The following CPED1 variants were observed in gnomAD, a reference collection of about 807,000 sequenced individuals.
The protein encoded by CPED1 is cadherin like and PC-esterase domain containing 1.
A neutral mutation model predicts 128.2 loss-of-function variants in CPED1; 114 were observed. The ratio of observed to expected loss-of-function variants is 0.89; its 90% confidence interval spans 0.76 to 1.04. The LOEUF is 1.04. Ranked by LOEUF, CPED1 falls within the 50% of genes least tolerant of loss-of-function variation. The pLI is 0.00. For missense variants in CPED1, 1,211 were observed against 1,207.1 expected (o/e 1.00, Z -0.05); for synonymous variants, 462 against 426.7 (o/e 1.08, Z -1.02).
intron 7 of CPED1, among the ~76,000 whole-genome samples, chr7:121,105,576 C>T (rs1253232519): frequency 6.6e-6 from 1 of 152,072 alleles, no homozygotes; most frequent in Non-Finnish European, 1.5e-5. Flanking sequence ...ATTACTTAAC[C>T]TACTTTTGCT....
intron 5 of CPED1, among the ~76,000 whole-genome samples, chr7:121,075,449 A>G (rs1272248041): frequency 6.6e-6 from 1 of 152,034 alleles, no homozygotes; most frequent in Non-Finnish European, 1.5e-5. Context: ...CATGGTCTCA[A>G]TATGTTCATG....
At chr7:120,995,619 C>A (rs1796383986) in intron 2 of CPED1, among the ~76,000 whole-genome samples, 1 of 152,170 alleles carries the variant, frequency 6.6e-6, no homozygotes, top group African/African-American at 2.4e-5. Context: ...ATTTATTTCA[C>A]AAACCTCATG....
At chr7:121,139,083 A>G (rs1277943129) in intron 14 of CPED1, among the ~76,000 whole-genome samples, 1 of 151,922 alleles carries the variant, frequency 6.6e-6, no homozygotes, top group African/African-American at 2.4e-5. Context: ...TTTCTTTTTT[A>G]TTATAAGAAA....
intron 16 of CPED1, among the ~76,000 whole-genome samples, chr7:121,235,904 C>T (rs1191235110): frequency 2.0e-5 from 3 of 152,094 alleles, no homozygotes; most frequent in Non-Finnish European, 4.4e-5. Context: ...AGGGGGAAAG[C>T]AATCCCAATC....
chr7:121,008,460 G>A lies in CPED1; in HGVS notation c.250-7205G>A, dbSNP rs541872068. Among the ~76,000 whole-genome samples the A allele has an allele frequency of 3.3e-5, 5 of 152,138 alleles. 1 individual carries two copies. In the South Asian group the frequency reaches 1.0e-3, roughly 32 times the overall value. ...CAAGGTCAACAGCAAGGACCTTCAA[G>A]AGAAAAAAGACAATTCTTCAAGGCA... On this transcript the variant is annotated intron_variant, in intron 2 of 22. Coordinates refer to ENST00000310396, the MANE Select transcript of CPED1 (RefSeq NM_024913.5).
rs181127676 is a variant in CPED1 at position 121,021,480 on chromosome 7, G to A, written c.433+5632G>A. On this transcript the variant is annotated intron_variant, in intron 3 of 22. Transcript: ENST00000310396. ...CAGATCAATCTTAACCTTTGTAATG[G>A]AAAACATATTTCACATTTTTCTTTT... Among the ~76,000 whole-genome samples, 676 of 151,992 alleles carry A rather than the reference G, an allele frequency of 4.4e-3. 5 individuals are homozygous for A. Among genetic ancestry groups the A allele is most frequent in the African/African-American group, 0.015 (636 of 41,520 alleles).
At chr7:121,211,411 T>C (rs940904422) in intron 16 of CPED1, among the ~76,000 whole-genome samples, 3 of 152,066 alleles carry the variant, frequency 2.0e-5, no homozygotes, top group Admixed American at 6.6e-5. Context: ...TAAAACACAG[T>C]TGGCCTTTTA....
In CPED1 at chr7:121,109,682, C is replaced by T. The variant is rs548158786; in HGVS notation, c.918+9588C>T. Among the ~76,000 whole-genome samples the T allele has an allele frequency of 3.9e-5, 6 of 152,220 alleles. 1 individual carries two copies. Among genetic ancestry groups the T allele is most frequent in the African/African-American group, 1.4e-4 (6 of 41,542 alleles). On this transcript the variant is annotated intron_variant, in intron 7 of 22. Coordinates refer to ENST00000310396, the MANE Select transcript of CPED1 (RefSeq NM_024913.5). ...TTCTAGTAGAATAACTTCTGAATAA[C>T]TTCTACTAGAAATTTTTTCAGATAT... is the stretch of plus-strand genomic sequence containing the variant.
At chr7:121,279,582 C>T (rs1443510917) in intron 22 of CPED1, among the ~76,000 whole-genome samples, 10 of 151,978 alleles carry the variant, frequency 6.6e-5, no homozygotes, top group Admixed American at 6.6e-4. Flanking sequence ...AAGAGAAATA[C>T]TAGCTGTGAG....
At chr7:121,148,541 G>A (rs1167582340) in intron 16 of CPED1, among the ~76,000 whole-genome samples, 1 of 152,130 alleles carries the variant, frequency 6.6e-6, no homozygotes, top group Non-Finnish European at 1.5e-5. Flanking sequence ...AGTAAAGGTG[G>A]GGTTTGAATA....
At chr7:121,225,993 G>T (rs1279414361) in intron 16 of CPED1, among the ~76,000 whole-genome samples, 2 of 152,084 alleles carry the variant, frequency 1.3e-5, no homozygotes, top group African/African-American at 4.8e-5. Flanking sequence ...ACTCATTAAA[G>T]TCATTCTCCA....
intron 2 of CPED1, among the ~76,000 whole-genome samples, chr7:120,999,020 A>G (rs1029419049): frequency 1.3e-5 from 2 of 152,194 alleles, no homozygotes; most frequent in African/African-American, 4.8e-5. Context: ...TTACTGCTAC[A>G]TCCCCAGTGT....
chr7:121,103,263 G>A (rs1169762540), intron 7 of CPED1, among the ~76,000 whole-genome samples: 2 of 151,902 alleles, frequency 1.3e-5, no homozygotes, highest in Non-Finnish European at 2.9e-5. Context: ...CCTCTCCTTG[G>A]GATTTATCTT....
At chr7:121,092,066 A>G (rs1917114) in intron 5 of CPED1, among the ~76,000 whole-genome samples, 82,059 of 151,870 alleles carry the variant, frequency 0.54, 22,926 homozygotes, top group East Asian at 0.83. Context: ...ATTCTCTCCT[A>G]TGCTTTCCCA....
chr7:121,194,014 CTCTCTCTCTA>C (rs1385996709), intron 16 of CPED1, among the ~76,000 whole-genome samples: 17 of 70,202 alleles, frequency 2.4e-4, no homozygotes, highest in African/African-American at 9.0e-4. Context: ...CTCTCTCTCT[CTCTCTCTCTA>C]TATATATATA....
rs977804979 is a variant in CPED1 at position 121,244,184 on chromosome 7, T to G, written c.2174-18T>G. On this transcript the variant is annotated intron_variant, in intron 17 of 22. Coordinates refer to ENST00000310396, the MANE Select transcript of CPED1 (RefSeq NM_024913.5). ...CCAGCAGAAACAGAACCAAAGAAAG[T>G]TTTGCCATCTATTCCAGGCCAGTGG... 5 of 1,614,108 alleles carry G rather than the reference T, an allele frequency of 3.1e-6. No individual in the cohort carries two copies. Among genetic ancestry groups the G allele is most frequent in the Middle Eastern group, 1.6e-4 (1 of 6,062 alleles).
At chr7:121,159,198 A>G (rs568435038) in intron 16 of CPED1, among the ~76,000 whole-genome samples, 5 of 152,308 alleles carry the variant, frequency 3.3e-5, no homozygotes, top group African/African-American at 1.2e-4. Context: ...CAGAGAATAA[A>G]GATTTCACTT....
chr7:121,181,314 G>C (rs1393703134), intron 16 of CPED1, among the ~76,000 whole-genome samples: 1 of 151,980 alleles, frequency 6.6e-6, no homozygotes, highest in Non-Finnish European at 1.5e-5. Flanking sequence ...TCCACGCAGA[G>C]GGAACAATAC....
intron 2 of CPED1, among the ~76,000 whole-genome samples, chr7:120,993,594 T>A (rs1796344702): frequency 6.6e-6 from 1 of 152,198 alleles, no homozygotes; most frequent in Non-Finnish European, 1.5e-5. Context: ...TATTTAACAT[T>A]TGAAAATTTC....
Sources: gnomAD v4.1 joint callset for allele counts (sites outside exome capture counted in the v4.1 genomes callset) on GRCh38, gnomAD v4.1.1 for gene constraint, MANE v1.5 for transcripts, NCBI Gene and HGNC (gene_info 2026-07-23, HGNC 2026-07-21) for gene names.